Variants in PAH observed in about 807,000 individuals in gnomAD.
The protein encoded by PAH is phenylalanine-4-hydroxylase.
Under a neutral mutation model 62.0 loss-of-function variants are expected in PAH, and 64 were observed. That is an observed-to-expected ratio of 1.03 (90% CI 0.84 to 1.27). The LOEUF is 1.27. PAH is among the 50% of genes most tolerant of loss of function. The pLI, the probability that PAH is intolerant of heterozygous loss-of-function variation, is 0.00. For synonymous variants in PAH, 195 were observed against 196.2 expected (o/e 0.99, Z 0.05); for missense variants, 579 against 542.8 (o/e 1.07, Z -0.66).
At chr12:102,925,484 A>G (rs766144659) in intron 1 of PAH, among the ~76,000 whole-genome samples, 3 of 152,160 alleles carry the variant, frequency 2.0e-5, no homozygotes, top group Non-Finnish European at 2.9e-5. Flanking sequence ...TCTGTCACTC[A>G]CAATCAAATC....
upstream of PAH, among the ~76,000 whole-genome samples, chr12:102,951,226 G>T (rs1879749318): frequency 6.6e-6 from 1 of 152,116 alleles, no homozygotes; most frequent in South Asian, 2.1e-4. Context: ...ACCCCGGGGC[G>T]CACTTTCGGG....
rs181647058 is a variant in PAH, at chr12:102,845,009, C to A, written c.970-578G>T. On this transcript the variant is annotated intron_variant, in intron 9 of 12. Transcript: ENST00000553106. ...GATTTCCCTCTCTCTCTTTCTCTCTCTATATATATCTCACTGGTTCTTTCT... is the reference window on the plus strand; with the variant it reads ...GATTTCCCTCTCTCTCTTTCTCTCTATATATATATCTCACTGGTTCTTTCT... 2.0e-5 allele frequency among the ~76,000 whole-genome samples: 3 copies of A among 152,254 alleles called. No homozygotes were observed. The East Asian group carries it at 5.8e-4, about 29-fold the overall frequency.
At chr12:102,881,038 G>C (rs1023741371) in intron 3 of PAH, among the ~76,000 whole-genome samples, 7 of 150,576 alleles carry the variant, frequency 4.6e-5, no homozygotes, top group African/African-American at 1.7e-4. Context: ...ATTTGAGACA[G>C]AGTCTTGCTC....
At chr12:102,895,965 T>A (rs1191439367) in intron 2 of PAH, among the ~76,000 whole-genome samples, 1 of 151,506 alleles carries the variant, frequency 6.6e-6, no homozygotes, top group African/African-American at 2.4e-5. Context: ...TGGCCAATCA[T>A]CCTTCTAGCG....
chr12:102,852,689 A>G, intron 7 of PAH, 126 bp downstream of exon 7: 4 of 1,162,042 alleles, frequency 3.4e-6, no homozygotes, highest in Non-Finnish European at 5.2e-6. Context: ...TTTTAGTACT[A>G]CCAGCAAACA....
intron 2 of PAH, among the ~76,000 whole-genome samples, chr12:102,903,352 T>G (rs1054726402): frequency 7.2e-4 from 96 of 133,958 alleles, no homozygotes; most frequent in African/African-American, 2.6e-3. Flanking sequence ...TAGAGTGAGA[T>G]TCTGTCTCAA....
intron 1 of PAH, among the ~76,000 whole-genome samples, chr12:102,935,973 T>C (rs1565880843): frequency 6.6e-6 from 1 of 151,948 alleles, no homozygotes; most frequent in Non-Finnish European, 1.5e-5. Context: ...GATGCATTGA[T>C]AGCTTGTTTA....
chr12:102,907,622 TG>T lies in PAH; in HGVS notation c.168+5168del, dbSNP rs200719356. 6.8e-3 allele frequency among the ~76,000 whole-genome samples: 1,034 copies of T among 151,344 alleles called. 4 individuals are homozygous for T. Among genetic ancestry groups the T allele is most frequent in the Middle Eastern group, 0.02 (6 of 294 alleles). ...TTCTTTTCTTTTCTTTTTTTTTTTG[TG>T]GGGAGGGAGGGGGCGGACAGAGTCT... On this transcript the variant is annotated intron_variant, in intron 2 of 12. Coordinates refer to ENST00000553106, the MANE Select transcript of PAH (RefSeq NM_000277.3).
At chr12:102,900,840 A>T (rs1877724021) in intron 2 of PAH, among the ~76,000 whole-genome samples, 1 of 152,118 alleles carries the variant, frequency 6.6e-6, no homozygotes, top group Non-Finnish European at 1.5e-5. Context: ...CGCTCACCAC[A>T]TCTTTGCTGA....
chr12:102,866,596 T>G lies in PAH; in HGVS notation c.509A>C (p.His170Pro), dbSNP rs199475573. 6.2e-7 allele frequency: 1 copy of G among 1,612,490 alleles called. No homozygotes were observed. ...QFADIAYNYR[H>P]GQPIPRVEYM... ...CCCTCAACAAGCAAGGCAGACTTAC[T>G]GGCGGTAGTTGTAGGCAATGTCAGC... Residue 170 changes from histidine to proline, a missense_variant and splice_region_variant, in exon 5 of 13, where the codon CAT becomes CCT. By Grantham distance (77) the His-to-Pro change is moderately conservative (BLOSUM62 -2). Coordinates refer to ENST00000553106, the MANE Select transcript of PAH (RefSeq NM_000277.3).
chr12:102,840,567 G>T, intron 11 of PAH, 52 bp from the exon 12 acceptor site: 1 of 1,252,326 alleles, frequency 8.0e-7, no homozygotes, highest in Non-Finnish European at 1.2e-6. Flanking sequence ...GAGAAAGGTA[G>T]TCTTAAGAGA....
In PAH at chr12:102,930,643, C is replaced by T. The variant is rs182079359; in HGVS notation, c.-95-13418G>A. Among the ~76,000 whole-genome samples the T allele has an allele frequency of 4.2e-3, 635 of 152,334 alleles. 1 individual carries two copies. The highest frequency in any genetic ancestry group is 7.8e-3 in the Non-Finnish European group (529 of 68,028). On this transcript the variant is annotated intron_variant, in intron 1 of 3. Transcript: ENST00000546844. ...TTCCAGAACACCCCTGCTGTCCACT[C>T]TCCTGAGTTACTAGGTCTTAAGGTC...
upstream of PAH, among the ~76,000 whole-genome samples, chr12:102,952,419 GGGA>G (rs949889214): frequency 1.3e-5 from 2 of 152,060 alleles, no homozygotes; most frequent in African/African-American, 4.8e-5. Context: ...GGAGGAGGTG[GGGA>G]GGAGGAGGGA....
Position 102,839,173 on chromosome 12 carries a change from C to T in PAH, c.*2G>A. ...CTGACAGACCACATTCTGTCCATGG[C>T]TTTACTTTATTTTCTGGAGGGCACT... On this transcript the variant is annotated 3_prime_UTR_variant, in exon 13 of 13. Coordinates refer to ENST00000553106, the MANE Select transcript of PAH (RefSeq NM_000277.3). 6.2e-7 allele frequency: 1 copy of T among 1,613,522 alleles called. No individual in the cohort carries two copies. Among genetic ancestry groups the T allele is most frequent in the South Asian group, 1.1e-5 (1 of 91,064 alleles).
intron 1 of PAH, among the ~76,000 whole-genome samples, chr12:102,931,358 G>A (rs956875774): frequency 6.6e-6 from 1 of 152,146 alleles, no homozygotes; most frequent in African/African-American, 2.4e-5. Context: ...ATAGCAGTGG[G>A]GTGGGTAGGT....
chr12:102,871,702 C>A (rs568907516), intron 4 of PAH, among the ~76,000 whole-genome samples: 3 of 152,014 alleles, frequency 2.0e-5, no homozygotes, highest in South Asian at 2.1e-4. Flanking sequence ...GTGGGCAGAT[C>A]GCCTGAGGTC....
intron 2 of PAH, among the ~76,000 whole-genome samples, chr12:102,898,057 C>T (rs1406198955): frequency 1.3e-5 from 2 of 152,176 alleles, no homozygotes; most frequent in Non-Finnish European, 2.9e-5. Context: ...TACACTGAAC[C>T]CCCAACACAA....
At chr12:102,939,835 G>T (rs1879227977) in intron 1 of PAH, among the ~76,000 whole-genome samples, 1 of 152,172 alleles carries the variant, frequency 6.6e-6, no homozygotes, top group African/African-American at 2.4e-5. Flanking sequence ...TTAAGCTAGG[G>T]AGGAAACAAA....
intron 4 of PAH, among the ~76,000 whole-genome samples, chr12:102,872,784 A>G (rs967043468): frequency 3.3e-5 from 5 of 152,174 alleles, no homozygotes; most frequent in East Asian, 1.9e-4. Flanking sequence ...CTTGGCCAAC[A>G]TGACGAAACC....
Sources: allele counts gnomAD v4.1 joint callset (sites outside exome capture counted in the v4.1 genomes callset), GRCh38; gene constraint gnomAD v4.1.1; transcripts MANE v1.5; gene names NCBI Gene and HGNC (gene_info 2026-07-23, HGNC 2026-07-21).